UBE2O: variants seen among roughly 807,000 people sequenced by gnomAD.
The protein encoded by UBE2O is ubiquitin conjugating enzyme E2 O.
In UBE2O, 15 loss-of-function variants were observed where a neutral mutation model predicts 125.8. The observed-to-expected ratio is 0.12, with a 90% CI of 0.08 to 0.18. The LOEUF is 0.18. Ranked by LOEUF, UBE2O falls within the 10% of genes least tolerant of loss-of-function variation. The pLI, the probability that UBE2O is intolerant of heterozygous loss-of-function variation, is 1.00. For synonymous variants in UBE2O, 708 were observed against 703.2 expected, an observed-to-expected ratio of 1.01 and a Z score of -0.11; for missense variants, 1,280 against 1,723.6, an observed-to-expected ratio of 0.74 and a Z score of 4.56.
intron 1 of UBE2O, among the ~76,000 whole-genome samples, chr17:76,445,895 T>C (rs572184912): frequency 6.6e-6 from 1 of 152,324 alleles, no homozygotes; most frequent in African/African-American, 2.4e-5. Context: ...TCTTGCTCAG[T>C]AAGAGCTGCA....
At chr17:76,431,487 G>C (rs1003781228) in intron 1 of UBE2O, among the ~76,000 whole-genome samples, 2 of 152,062 alleles carry the variant, frequency 1.3e-5, no homozygotes, top group Non-Finnish European at 2.9e-5. Context: ...CAGCCTGGGC[G>C]ACAGGGTGCT....
At chr17:76,419,874 A>G (rs932519886) in intron 1 of UBE2O, among the ~76,000 whole-genome samples, 2 of 152,188 alleles carry the variant, frequency 1.3e-5, no homozygotes, top group African/African-American at 4.8e-5. Flanking sequence ...GAAACCTCAG[A>G]GTCTGAGAAA....
At chr17:76,440,372 T>G (rs2073059739) in intron 1 of UBE2O, among the ~76,000 whole-genome samples, 1 of 152,224 alleles carries the variant, frequency 6.6e-6, no homozygotes. Context: ...TGCCTAGGCT[T>G]AAGGGCAATG....
intron 1 of UBE2O, among the ~76,000 whole-genome samples, chr17:76,423,893 GTTCTTTT>G (rs1344812048): frequency 1.2e-5 from 1 of 81,948 alleles, no homozygotes; most frequent in Non-Finnish European, 2.5e-5. Context: ...TCCAGGTTGG[GTTCTTTT>G]TTTTTTTTTT....
chr17:76,415,264 G>T (rs2072582201), intron 1 of UBE2O, among the ~76,000 whole-genome samples: 1 of 152,148 alleles, frequency 6.6e-6, no homozygotes, highest in Non-Finnish European at 1.5e-5. Context: ...GACGGAGCCT[G>T]CCAGGAAAGA....
Position 76,391,355 on chromosome 17 carries a change from T to G in UBE2O, c.3467A>C (p.Gln1156Pro), listed in dbSNP as rs767506881. 5 of 1,613,054 alleles carry G rather than the reference T, an allele frequency of 3.1e-6. No individual in the cohort carries two copies. The highest frequency in any genetic ancestry group is 4.2e-6 in the Non-Finnish European group (5 of 1,180,012). The change falls in exon 18 of 18, where the codon CAG (glutamine) becomes CCG (proline). Residue 1156 changes from glutamine (Q) to proline (P), a missense_variant. Gln to Pro is a moderately conservative substitution (Grantham distance 76). Coordinates refer to ENST00000319380, the MANE Select transcript of UBE2O (RefSeq NM_022066.4). The surrounding 1 kb of genome is among the most constrained non-coding windows in gnomAD (Gnocchi z 8.4). Reference protein sequence around the residue: ...LETHALLEKAQALPNGVPKAS... With the variant: ...LETHALLEKAPALPNGVPKAS... ...CTTGGGCACCCCGTTGGGCAGTGCC[T>G]GGGCCTTCTCCAGCAGGGCATGGGT...
At chr17:76,406,519 G>T (rs560129128) in intron 1 of UBE2O, among the ~76,000 whole-genome samples, 2 of 151,320 alleles carry the variant, frequency 1.3e-5, no homozygotes, top group African/African-American at 4.9e-5. Context: ...GAACTGAGTC[G>T]CCGAAAAAGG....
At position 76,410,713 on chromosome 17, in the gene UBE2O, C is replaced by G. The variant is rs2072501027; in HGVS notation, c.418-5141G>C. The stretch of plus-strand genomic sequence containing the variant: ...AAGCTATGCTGGGGGCCACTCAGAG[C>G]AGGCATTCAGGAGCCGGGGAAGCTC... On this transcript the variant is annotated intron_variant, in intron 1 of 17. Transcript: ENST00000319380. The surrounding 1 kb of genome is among the most constrained non-coding windows in gnomAD (Gnocchi z 4.0). 6.6e-6 allele frequency among the ~76,000 whole-genome samples: 1 copy of G among 151,848 alleles called. No individual in the cohort carries two copies. Among genetic ancestry groups the G allele is most frequent in the South Asian group, 2.1e-4 (1 of 4,806 alleles).
intron 1 of UBE2O, among the ~76,000 whole-genome samples, chr17:76,442,368 CGG>C (rs1187987529): frequency 6.6e-6 from 1 of 152,090 alleles, no homozygotes; most frequent in African/African-American, 2.4e-5. Context: ...ACACCTAGTA[CGG>C]GGGGTGGGAG....
intron 1 of UBE2O, among the ~76,000 whole-genome samples, chr17:76,413,977 T>C (rs1325869019): frequency 6.6e-6 from 1 of 152,216 alleles, no homozygotes; most frequent in Non-Finnish European, 1.5e-5. Flanking sequence ...TTTGAGGATG[T>C]GAATGGTCAG....
Position 76,395,657 on chromosome 17 carries a change from T to G in UBE2O, c.2946+68A>C. 1.9e-6 allele frequency: 3 copies of G among 1,544,320 alleles called. No individual in the cohort carries two copies. The highest frequency in any genetic ancestry group is 2.6e-6 in the Non-Finnish European group (3 of 1,148,086). ...GCCCCGGAGGTTTGGGGACCCAAGG[T>G]TGGTGGCCTCTTGGGCACTGGGTGC... On this transcript the variant is annotated intron_variant, in intron 15 of 17. Transcript: ENST00000319380. This position sits in a 1 kb window ranked among gnomAD's most constrained non-coding sequence, Gnocchi z 5.0.
At chr17:76,422,787 C>T (rs537936419) in intron 1 of UBE2O, among the ~76,000 whole-genome samples, 1 of 152,334 alleles carries the variant, frequency 6.6e-6, no homozygotes, top group Admixed American at 6.5e-5. Flanking sequence ...ACTTACTGTT[C>T]CCACACCTGC....
chr17:76,398,207 T>TG lies in UBE2O; in HGVS notation c.2025+47dup. ...TGGCAGCATCAGGGACTGCAGCTGG[T>TG]GCACAGGGCAGTGAGCAGCCATCCA... On this transcript the variant is annotated intron_variant, in intron 12 of 17. Coordinates refer to ENST00000319380, the MANE Select transcript of UBE2O (RefSeq NM_022066.4). The surrounding 1 kb of genome is among the most constrained non-coding windows in gnomAD (Gnocchi z 5.4). The TG allele has an allele frequency of 6.2e-7, 1 of 1,612,162 alleles. No individual in the cohort carries two copies. The highest frequency in any genetic ancestry group is 8.5e-7 in the Non-Finnish European group (1 of 1,178,656).
chr17:76,427,395 T>C (rs1217424817), intron 1 of UBE2O, among the ~76,000 whole-genome samples: 1 of 152,254 alleles, frequency 6.6e-6, no homozygotes, highest in East Asian at 1.9e-4. Context: ...TCCTTTGACA[T>C]CTATTTCTTC....
intron 1 of UBE2O, among the ~76,000 whole-genome samples, chr17:76,449,332 G>C (rs1363295946): frequency 6.6e-6 from 1 of 152,218 alleles, no homozygotes; most frequent in East Asian, 1.9e-4. Context: ...TCCAGCACTT[G>C]GGGAGGCCAA....
chr17:76,394,210 C>T (rs1195732043), intron 15 of UBE2O, among the ~76,000 whole-genome samples: 1 of 152,210 alleles, frequency 6.6e-6, no homozygotes, highest in Non-Finnish European at 1.5e-5. Context: ...AGGATCCCTG[C>T]TCTTTCTTTT....
In UBE2O at chr17:76,405,403, C is replaced by A; in HGVS notation, c.478-87G>T. The A allele has an allele frequency of 1.3e-6, 2 of 1,498,004 alleles. No homozygotes were observed. The allele number at this position is 1,498,004 out of a possible 1,614,324, so 92.8% of individuals were successfully genotyped here. ...CCAGCCCAGGCAACCCCAGCGCACC[C>A]CCTGCAGAGCTGGCCAGTTCTCCCA... On this transcript the variant is annotated intron_variant, in intron 2 of 17. Transcript: ENST00000319380. The surrounding 1 kb of genome is among the most constrained non-coding windows in gnomAD (Gnocchi z 6.1).
rs1195992364 is a variant in UBE2O at position 76,402,114 on chromosome 17, T to C, written c.700A>G (p.Thr234Ala). The C allele has an allele frequency of 2.5e-6, 4 of 1,613,560 alleles. No individual in the cohort carries two copies. The highest frequency in any genetic ancestry group is 3.4e-6 in the Non-Finnish European group (4 of 1,180,004). The change falls in exon 5 of 18, where the codon ACG becomes GCG. Residue 234 changes from threonine to alanine, a missense_variant. Thr to Ala is a moderately conservative substitution (Grantham distance 58). Around this residue, in one of 10 missense-constraint regions of UBE2O, gnomAD observed 206 missense variants for 315.7 expected, o/e 0.65. Transcript: ENST00000319380. The surrounding 1 kb of genome is among the most constrained non-coding windows in gnomAD (Gnocchi z 5.4). ...LSNGARCSMN[T>A]EDGAKLYDVC... ...TCGTAGAGCTTGGCGCCATCTTCCG[T>C]GTTCATGGAGCACCTAAAACAGAGA...
chr17:76,400,252 C>G lies in UBE2O; in HGVS notation c.1050G>C (p.Gly350=), dbSNP rs367658458. 3.8e-5 allele frequency: 61 copies of G among 1,613,982 alleles called. No individual in the cohort carries two copies. The African/African-American group carries it at 7.1e-4, about 19-fold the overall frequency. Residue 350 remains glycine (G), a synonymous_variant, in exon 8 of 18, where the codon GGG becomes GGC. Coordinates refer to ENST00000319380, the MANE Select transcript of UBE2O (RefSeq NM_022066.4). The surrounding 1 kb of genome is among the most constrained non-coding windows in gnomAD (Gnocchi z 4.3). Reference sequence around the variant, plus strand: ...CTGGGAAGACATACAGACAGCGCTCCCCAAGCTGCCGCTGAGCATGGTCAA... The same window carrying G: ...CTGGGAAGACATACAGACAGCGCTCGCCAAGCTGCCGCTGAGCATGGTCAA... ...GCFDHAQRQL[G]ERCLYVFPAK...
Sources: allele counts gnomAD v4.1 joint callset (sites outside exome capture counted in the v4.1 genomes callset), GRCh38; gene constraint gnomAD v4.1.1; regional missense constraint gnomAD v4.1.1; non-coding constraint Gnocchi (gnomAD v3.1); transcripts MANE v1.5; gene names NCBI Gene and HGNC (gene_info 2026-07-23, HGNC 2026-07-21).